Variants in DIP2C observed in about 807,000 individuals in gnomAD.
DIP2C encodes disco-interacting protein 2 homolog C.
DIP2C carries 33 observed loss-of-function variants against 192.4 expected under a neutral mutation model. The ratio of observed to expected loss-of-function variants is 0.17; its 90% CI spans 0.13 to 0.23. The LOEUF (loss-of-function observed/expected upper bound fraction) is 0.23. Among genes scored for constraint, DIP2C ranks in the 10% least tolerant of loss-of-function variants. The pLI is 1.00. For missense variants in DIP2C, 1,537 were observed against 2,110.1 expected, an observed-to-expected ratio of 0.73 and a Z score of 5.32; for synonymous variants, 979 against 864.1, an observed-to-expected ratio of 1.13 and a Z score of -2.33.
At chr10:380,784 C>A (rs569332222) in intron 17 of DIP2C, among the ~76,000 whole-genome samples, 1 of 152,208 alleles carries the variant, frequency 6.6e-6, no homozygotes, top group Non-Finnish European at 1.5e-5. Flanking sequence ...TACAGCTTTA[C>A]GGAATGTACG....
intron 1 of DIP2C, among the ~76,000 whole-genome samples, chr10:592,655 G>GA (rs907090386): frequency 8.5e-5 from 13 of 152,216 alleles, no homozygotes; most frequent in Middle Eastern, 3.4e-3. Flanking sequence ...GGCACATCTA[G>GA]AAAAAAGCAA....
At chr10:542,626 C>T (rs1444832395) in intron 1 of DIP2C, among the ~76,000 whole-genome samples, 1 of 152,198 alleles carries the variant, frequency 6.6e-6, no homozygotes, top group African/African-American at 2.4e-5. Flanking sequence ...TCTAACCCTG[C>T]CCCTCTCTAT....
At chr10:387,863 TCAAAATGCAAA>T in intron 13 of DIP2C, 54 bp from the exon 14 acceptor site, 1 of 1,566,890 alleles carries the variant, frequency 6.4e-7, no homozygotes, top group Non-Finnish European at 8.8e-7. Context: ...CGGCAACAGA[TCAAAATGCAAA>T]CAAAATCCAA....
Position 344,981 on chromosome 10 carries a change from T to C in DIP2C, c.3343+18A>G, listed in dbSNP as rs1315607916. 1 of 1,610,242 alleles carries C rather than the reference T, an allele frequency of 6.2e-7. No individual in the cohort carries two copies. Among genetic ancestry groups the C allele is most frequent in the Admixed American group, 1.7e-5 (1 of 59,596 alleles). ...GCAAGGCCGTGAGCAAACCACCTTC[T>C]GCAGCTAAAGCACCAACCTGTGTCC... On this transcript the variant is annotated intron_variant, in intron 27 of 36. Transcript: ENST00000280886.
At chr10:286,594 C>T (rs1439486351) in intron 33 of DIP2C, among the ~76,000 whole-genome samples, 1 of 152,136 alleles carries the variant, frequency 6.6e-6, no homozygotes, top group Non-Finnish European at 1.5e-5. Flanking sequence ...CAAAATTAAA[C>T]ATTTTGATTG....
chr10:642,043 G>T (rs1588659799), intron 1 of DIP2C, among the ~76,000 whole-genome samples: 2 of 152,130 alleles, frequency 1.3e-5, no homozygotes, highest in Non-Finnish European at 2.9e-5. Context: ...AAGAAAGAAA[G>T]AAATACAGGA....
chr10:414,303 A>C (rs1965393410), intron 7 of DIP2C, among the ~76,000 whole-genome samples, 193 bp from the exon 8 acceptor site: 2 of 152,136 alleles, frequency 1.3e-5, no homozygotes. Flanking sequence ...TAGTTCTTGT[A>C]ATTTCCAAGG....
intron 1 of DIP2C, among the ~76,000 whole-genome samples, chr10:617,120 A>C (rs1342457151): frequency 6.6e-6 from 1 of 151,978 alleles, no homozygotes; most frequent in Non-Finnish European, 1.5e-5. Context: ...GACCCCATGC[A>C]GACCTCCCAG....
intron 3 of DIP2C, among the ~76,000 whole-genome samples, chr10:463,452 C>T (rs999229711): frequency 1.3e-5 from 2 of 152,120 alleles, no homozygotes; most frequent in South Asian, 2.1e-4. Flanking sequence ...TGTGAAGGAC[C>T]TCTTCAAGGA....
intron 1 of DIP2C, among the ~76,000 whole-genome samples, chr10:603,284 ATG>A (rs1406794110): frequency 1.5e-5 from 2 of 133,794 alleles, no homozygotes; most frequent in Non-Finnish European, 3.1e-5. Flanking sequence ...GGGTGACAGA[ATG>A]AGACTCCATC....
intron 29 of DIP2C, among the ~76,000 whole-genome samples, chr10:336,841 T>C (rs1393414370): frequency 4.0e-5 from 6 of 148,988 alleles, no homozygotes; most frequent in South Asian, 4.2e-4. Flanking sequence ...TGTGTGTGTG[T>C]GTGTTGTGGA....
chr10:405,105 A>T (rs1011267304), intron 9 of DIP2C, among the ~76,000 whole-genome samples: 1 of 152,210 alleles, frequency 6.6e-6, no homozygotes, highest in Non-Finnish European at 1.5e-5. Context: ...TTCAGTTCTG[A>T]CTTGTTAATC....
chr10:320,871 G>A (rs1956974322), intron 31 of DIP2C, among the ~76,000 whole-genome samples: 2 of 152,208 alleles, frequency 1.3e-5, no homozygotes, highest in South Asian at 4.1e-4. Flanking sequence ...TGTGAAGGAG[G>A]AGGAACAAAG....
At chr10:655,912 T>A (rs1856266836) in intron 1 of DIP2C, among the ~76,000 whole-genome samples, 1 of 150,456 alleles carries the variant, frequency 6.6e-6, no homozygotes, top group Admixed American at 6.6e-5. Flanking sequence ...TGTCCTATTG[T>A]ATACTATACT....
chr10:598,441 C>T (rs1851848148), intron 1 of DIP2C, among the ~76,000 whole-genome samples: 1 of 152,260 alleles, frequency 6.6e-6, no homozygotes, highest in Non-Finnish European at 1.5e-5. Context: ...ACAAAACCGA[C>T]ATGCAATCAT....
Position 467,819 on chromosome 10 carries a change from A to T in DIP2C, c.268+4620T>A, listed in dbSNP as rs1970343293. ...GGCCTGTTGGGTGCTGGAGGACTAC[A>T]GGAGGGATAGCATTAGGAGAAATAC... On this transcript the variant is annotated intron_variant, in intron 3 of 36. Transcript: ENST00000280886. Among the ~76,000 whole-genome samples the T allele has an allele frequency of 2.6e-5, 4 of 152,130 alleles. 1 individual carries two copies. The highest frequency in any genetic ancestry group is 2.6e-4 in the Admixed American group (4 of 15,274).
At chr10:530,124 G>A (rs990083168) in intron 1 of DIP2C, among the ~76,000 whole-genome samples, 55 of 152,338 alleles carry the variant, frequency 3.6e-4, no homozygotes, top group African/African-American at 1.2e-3. Context: ...GAGCATCCCG[G>A]ACATGCCACC....
chr10:364,899 G>T, intron 19 of DIP2C: 1 of 573,762 alleles, frequency 1.7e-6, no homozygotes, highest in South Asian at 1.5e-5. Flanking sequence ...CTGATTACTT[G>T]GTTTACAAAA....
At chr10:495,523 G>T (rs960094631) in intron 1 of DIP2C, among the ~76,000 whole-genome samples, 2 of 151,642 alleles carry the variant, frequency 1.3e-5, no homozygotes. Context: ...TTGAATGTTG[G>T]TTTGTGTGGA....
Sources: gnomAD v4.1 joint callset for allele counts (sites outside exome capture counted in the v4.1 genomes callset) on GRCh38, gnomAD v4.1.1 for gene constraint, MANE v1.5 for transcripts, NCBI Gene and HGNC (gene_info 2026-07-23, HGNC 2026-07-21) for gene names.